Variants in FER observed in about 807,000 individuals in gnomAD.
FER encodes tyrosine-protein kinase Fer.
FER carries 63 observed loss-of-function variants against 111.0 expected under a neutral mutation model. That is an observed-to-expected ratio of 0.57 (90% CI 0.46 to 0.70). FER has a LOEUF of 0.70. Among genes scored for constraint, FER ranks in the 30% least tolerant of loss-of-function variants. The pLI is 0.00. For missense variants in FER, 914 were observed against 954.0 expected, an observed-to-expected ratio of 0.96 and a Z score of 0.55; for synonymous variants, 327 against 313.9, an observed-to-expected ratio of 1.04 and a Z score of -0.44.
At chr5:108,786,159 A>G (rs1457765221) in intron 2 of FER, among the ~76,000 whole-genome samples, 1 of 152,202 alleles carries the variant, frequency 6.6e-6, no homozygotes, top group Non-Finnish European at 1.5e-5. Context: ...AACATCCTCT[A>G]TGCCTGGACT....
chr5:109,014,108 T>C (rs1721522732), intron 13 of FER, among the ~76,000 whole-genome samples: 1 of 151,326 alleles, frequency 6.6e-6, no homozygotes, highest in Non-Finnish European at 1.5e-5. Flanking sequence ...TTGTCAATTT[T>C]GGCTTTTGTT....
At chr5:108,845,047 T>TATATATATATATAC (rs1761862657) in intron 5 of FER, among the ~76,000 whole-genome samples, 8 of 44,858 alleles carry the variant, frequency 1.8e-4, no homozygotes, top group Non-Finnish European at 8.1e-5. Flanking sequence ...TATACATATA[T>TATATATATATATAC]ATATATATAT....
At chr5:109,005,360 A>G (rs1364994742) in intron 13 of FER, among the ~76,000 whole-genome samples, 2 of 150,858 alleles carry the variant, frequency 1.3e-5, no homozygotes, top group Non-Finnish European at 3.0e-5. Context: ...AATGGAAAAA[A>G]ACTATCCCGT....
intron 16 of FER, among the ~76,000 whole-genome samples, chr5:109,086,985 C>A (rs945794282): frequency 6.8e-6 from 1 of 147,512 alleles, no homozygotes; most frequent in Non-Finnish European, 1.5e-5. Flanking sequence ...TATAAGGATA[C>A]CAGTCATACT....
intron 16 of FER, among the ~76,000 whole-genome samples, chr5:109,055,829 A>G (rs964220806): frequency 3.4e-5 from 5 of 148,524 alleles, no homozygotes; most frequent in African/African-American, 1.0e-4. Flanking sequence ...CTGATGTACC[A>G]AAAGAGAGCA....
At chr5:109,047,399 C>CT (rs1006286726) in intron 16 of FER, among the ~76,000 whole-genome samples, 11 of 152,122 alleles carry the variant, frequency 7.2e-5, no homozygotes, top group African/African-American at 2.7e-4. Context: ...ATGTCAACTG[C>CT]TTTTTTAAAA....
chr5:108,840,219 T>C (rs1356280790), intron 5 of FER, among the ~76,000 whole-genome samples: 1 of 152,204 alleles, frequency 6.6e-6, no homozygotes, highest in Non-Finnish European at 1.5e-5. Flanking sequence ...TTATCATTTC[T>C]AATAAAATTA....
intron 17 of FER, among the ~76,000 whole-genome samples, chr5:109,117,307 T>C (rs1750366830): frequency 6.6e-6 from 1 of 152,124 alleles, no homozygotes; most frequent in African/African-American, 2.4e-5. Flanking sequence ...AAATAGTGAC[T>C]ACAGAACAAT....
At chr5:108,812,738 A>G (rs1757894443) in intron 3 of FER, among the ~76,000 whole-genome samples, 1 of 151,890 alleles carries the variant, frequency 6.6e-6, no homozygotes, top group Admixed American at 6.6e-5. Context: ...TTATTGTGTT[A>G]TTTTAATGGT....
intron 17 of FER, among the ~76,000 whole-genome samples, chr5:109,176,663 G>A (rs1370175101): frequency 6.6e-6 from 1 of 152,162 alleles, no homozygotes; most frequent in East Asian, 1.9e-4. Context: ...TGTTTGAGAT[G>A]ATAGATATGC....
chr5:108,867,645 T>C (rs979887504), intron 5 of FER, 122 bp from the exon 6 acceptor site: 4 of 942,186 alleles, frequency 4.2e-6, no homozygotes, highest in Non-Finnish European at 6.4e-6. Flanking sequence ...TTCAATAAAA[T>C]TTTTTTGTTT....
intron 5 of FER, among the ~76,000 whole-genome samples, chr5:108,845,009 T>TATAC (rs1761777351): frequency 3.0e-5 from 1 of 33,126 alleles, no homozygotes; most frequent in Admixed American, 3.8e-4. Context: ...TATATATATA[T>TATAC]ATATATATAT....
intron 13 of FER, among the ~76,000 whole-genome samples, chr5:108,993,052 A>T (rs2149754064): frequency 6.8e-6 from 1 of 148,054 alleles, no homozygotes; most frequent in East Asian, 2.1e-4. Context: ...CTCACTTTCC[A>T]GACTGGGCAG....
At chr5:108,823,696 A>G (rs1237476755) in intron 3 of FER, among the ~76,000 whole-genome samples, 1 of 152,160 alleles carries the variant, frequency 6.6e-6, no homozygotes, top group African/African-American at 2.4e-5. Context: ...TATTAGATAT[A>G]TAATTTGCAA....
At chr5:109,037,654 A>G (rs889913996) in intron 14 of FER, among the ~76,000 whole-genome samples, 176 bp downstream of exon 14, 7 of 152,050 alleles carry the variant, frequency 4.6e-5, no homozygotes, top group African/African-American at 1.7e-4. Context: ...AGATGTGTGA[A>G]AGTCTTTGAA....
chr5:108,877,580 GAA>G (rs1765217154), intron 8 of FER, among the ~76,000 whole-genome samples: 1 of 152,182 alleles, frequency 6.6e-6, no homozygotes, highest in Non-Finnish European at 1.5e-5. Flanking sequence ...TATATTTTAA[GAA>G]AGAGATGGCA....
chr5:108,827,841 T>C lies in FER; in HGVS notation c.208-4929T>C, dbSNP rs1007975942. Among the ~76,000 whole-genome samples, 6 of 148,748 alleles carry C rather than the reference T, an allele frequency of 4.0e-5. No individual in the cohort carries two copies. The East Asian group carries it at 9.8e-4, about 24-fold the overall frequency. ...TAGTATCTTTTTTTTTTTTTTTTTT[T>C]CCCCCAAGACAGGCTCTTGCTCTGT... On this transcript the variant is annotated intron_variant, in intron 3 of 19. Coordinates refer to ENST00000281092, the MANE Select transcript of FER (RefSeq NM_005246.4).
intron 16 of FER, chr5:109,052,160 T>G: frequency 6.2e-7 from 1 of 1,608,164 alleles, no homozygotes; most frequent in Non-Finnish European, 8.5e-7. Context: ...TCCTTTTGCA[T>G]CACATAGAAC....
At chr5:108,966,389 T>C (rs1448388295) in intron 13 of FER, among the ~76,000 whole-genome samples, 1 of 54,288 alleles carries the variant, frequency 1.8e-5, no homozygotes, top group Non-Finnish European at 4.4e-5. Flanking sequence ...TTTTCTTTTC[T>C]TTTTTTTTTT....
Sources: allele counts gnomAD v4.1 joint callset (sites outside exome capture counted in the v4.1 genomes callset), GRCh38; gene constraint gnomAD v4.1.1; transcripts MANE v1.5; gene names NCBI Gene and HGNC (gene_info 2026-07-23, HGNC 2026-07-21).